The following MLPH variants were observed in gnomAD, a reference collection of about 807,000 sequenced individuals.
The protein encoded by MLPH is exophilin-3.
MLPH carries 51 observed loss-of-function variants against 72.1 expected under a neutral mutation model. That is an observed-to-expected ratio of 0.71 (90% CI 0.56 to 0.89). The LOEUF is 0.89. MLPH is among the 40% of genes least tolerant of loss of function. The probability of loss-of-function intolerance (pLI) is 0.00; values close to 1 mark genes in which losing one functional copy is unlikely to be tolerated. For missense variants in MLPH, 743 were observed against 759.9 expected (o/e 0.98, Z 0.26); for synonymous variants, 301 against 310.1 (o/e 0.97, Z 0.31).
Position 237,540,950 on chromosome 2 carries a change from A to C in MLPH, c.1439A>C (p.Glu480Ala), listed in dbSNP as rs1034093359. The change falls in exon 11 of 16, where the codon GAG becomes GCG. Residue 480 changes from glutamate to alanine, a missense_variant. Physicochemically the swap from Glu to Ala is moderately radical, Grantham distance 107. Coordinates refer to ENST00000264605, the MANE Select transcript of MLPH (RefSeq NM_024101.7). ...AVTASEVQQA[E>A]SEVSDIESRI... ...ACGGCCTCAGAAGTCCAGCAGGCAG[A>C]GAGCGAGGTAGCCCAGAAGGCACAG... 6.2e-7 allele frequency: 1 copy of C among 1,604,092 alleles called. No homozygotes were observed. The highest frequency in any genetic ancestry group is 8.5e-7 in the Non-Finnish European group (1 of 1,176,124).
intron 2 of MLPH, among the ~76,000 whole-genome samples, chr2:237,501,664 TAAAAAAAAAAAAA>T (rs58268748): frequency 1.6e-5 from 1 of 63,552 alleles, no homozygotes; most frequent in Non-Finnish European, 2.6e-5. Flanking sequence ...ACGTCTCTAC[TAAAAAAAAAAAAA>T]AAAAAAAAAA....
At chr2:237,519,177 G>T (rs1469854584) in intron 5 of MLPH, among the ~76,000 whole-genome samples, 2 of 151,992 alleles carry the variant, frequency 1.3e-5, no homozygotes, top group African/African-American at 2.4e-5. Context: ...GGTAACACCT[G>T]GGTTTTGGGG....
chr2:237,517,489 G>A lies in MLPH; in HGVS notation c.446-1050G>A, dbSNP rs373986571. Among the ~76,000 whole-genome samples, 4 of 151,738 alleles carry A rather than the reference G, an allele frequency of 2.6e-5. No individual in the cohort carries two copies. In the East Asian group the frequency reaches 5.9e-4, roughly 22 times the overall value. On this transcript the variant is annotated intron_variant, in intron 4 of 15. Coordinates refer to ENST00000264605, the MANE Select transcript of MLPH (RefSeq NM_024101.7). The stretch of plus-strand genomic sequence containing the variant: ...TGGATAGATAGATAAGTGGATGGGT[G>A]GATAGATGGATAGATGTCTGAGTGG...
chr2:237,540,377 C>G lies in MLPH; in HGVS notation c.1134C>G (p.Ala378=), dbSNP rs752502935. ...TAGGTGCTGGAGTGCGCACGGAGGC[C>G]GATGTAGAGGAGGAGGCCCTGAGGA... ...KGLGAGVRTE[A]DVEEEALRRK... The change falls in exon 10 of 16, where the codon GCC becomes GCG. Residue 378 remains alanine (A), a synonymous_variant. Transcript: ENST00000264605. 4 of 1,613,568 alleles carry G rather than the reference C, an allele frequency of 2.5e-6. No individual in the cohort carries two copies. In the Admixed American group the frequency reaches 6.7e-5, roughly 27 times the overall value.
Position 237,553,809 on chromosome 2 carries a change from A to G in MLPH, c.*217A>G. The G allele has an allele frequency of 1.4e-6, 1 of 725,050 alleles. No homozygotes were observed. The highest frequency in any genetic ancestry group is 1.5e-5 in the South Asian group (1 of 68,636). 44.9% of individuals were successfully genotyped at this position (725,050 alleles called of 1,614,324 possible). ...TTTACTGATGACTCCTGGCTGCCCC[A>G]CCATCCTCTCTGATCTGTGAGAAAC... is the stretch of plus-strand genomic sequence containing the variant. On this transcript the variant is annotated 3_prime_UTR_variant, in exon 16 of 16. Coordinates refer to ENST00000264605, the MANE Select transcript of MLPH (RefSeq NM_024101.7).
chr2:237,551,749 G>A (rs934381607), intron 14 of MLPH, among the ~76,000 whole-genome samples: 3 of 151,928 alleles, frequency 2.0e-5, no homozygotes, highest in African/African-American at 7.3e-5. Flanking sequence ...AGGCCAAGGC[G>A]GGCGGATCAC....
At chr2:237,552,763 A>T (rs970351162) in intron 15 of MLPH, among the ~76,000 whole-genome samples, 2 of 152,066 alleles carry the variant, frequency 1.3e-5, no homozygotes, top group Non-Finnish European at 1.5e-5. Flanking sequence ...TAAGTAAAAA[A>T]CCCCAAGAGA....
At chr2:237,508,882 A>G (rs1378966277) in intron 2 of MLPH, among the ~76,000 whole-genome samples, 4 of 152,192 alleles carry the variant, frequency 2.6e-5, no homozygotes, top group Admixed American at 1.3e-4. Context: ...CAGCACACCA[A>G]GCTGACTTGT....
intron 7 of MLPH, among the ~76,000 whole-genome samples, chr2:237,527,129 T>G (rs1224525279): frequency 6.6e-6 from 1 of 152,190 alleles, no homozygotes; most frequent in African/African-American, 2.4e-5. Context: ...TTTGCAAACA[T>G]GCAAAGTATG....
At chr2:237,533,220 A>G (rs13404500) in intron 8 of MLPH, among the ~76,000 whole-genome samples, 6,545 of 152,198 alleles carry the variant, frequency 0.043, 234 homozygotes, top group African/African-American at 0.092. Flanking sequence ...TGGGAGCTAG[A>G]GTTATCTTCA....
chr2:237,502,462 G>A (rs148806960), intron 2 of MLPH, among the ~76,000 whole-genome samples: 1,677 of 152,230 alleles, frequency 0.011, 19 homozygotes, highest in Non-Finnish European at 0.019. Flanking sequence ...TTTGTGTCTT[G>A]CTTTGTATCA....
chr2:237,531,538 A>G (rs1204557048), intron 8 of MLPH, among the ~76,000 whole-genome samples: 1 of 152,242 alleles, frequency 6.6e-6, no homozygotes, highest in African/African-American at 2.4e-5. Flanking sequence ...AGTAAAATAC[A>G]TAGCGTGGTT....
intron 13 of MLPH, 132 bp from the exon 14 acceptor site, chr2:237,549,089 A>G: frequency 2.6e-6 from 2 of 764,982 alleles, no homozygotes; most frequent in South Asian, 1.5e-5. Flanking sequence ...AAAAGTTCAA[A>G]TATTGCTAGA....
chr2:237,516,132 C>T (rs1483692993), intron 4 of MLPH, among the ~76,000 whole-genome samples: 1 of 152,240 alleles, frequency 6.6e-6, no homozygotes, highest in Non-Finnish European at 1.5e-5. Context: ...CAAGGGTGTC[C>T]AGGGGCAGCA....
intron 1 of MLPH, among the ~76,000 whole-genome samples, chr2:237,488,242 G>C (rs751328703): frequency 1.3e-5 from 2 of 152,144 alleles, no homozygotes; most frequent in African/African-American, 2.4e-5. Flanking sequence ...GGAGAGCAAG[G>C]CTCCCAATAG....
chr2:237,536,816 G>A (rs77086090), intron 9 of MLPH, among the ~76,000 whole-genome samples: 1,784 of 152,280 alleles, frequency 0.012, 43 homozygotes, highest in East Asian at 0.085. Flanking sequence ...TAGCCTGCCC[G>A]GCCCTGGCTC....
In MLPH at chr2:237,541,300, C is replaced by T. The variant is rs1157833447; in HGVS notation, c.1446+343C>T. Among the ~76,000 whole-genome samples the T allele has an allele frequency of 6.6e-6, 1 of 152,208 alleles. No individual in the cohort carries two copies. The highest frequency in any genetic ancestry group is 1.5e-5 in the Non-Finnish European group (1 of 68,034). On this transcript the variant is annotated intron_variant, in intron 11 of 15. Transcript: ENST00000264605. The surrounding 1 kb of genome is among the most constrained non-coding windows in gnomAD (Gnocchi z 5.1). ...AATTTAGGACAGCCCCAGACCTCAG[C>T]ACTGGACTCTGTCCGGAGGGCCATC... is the stretch of plus-strand genomic sequence containing the variant.
intron 1 of MLPH, among the ~76,000 whole-genome samples, chr2:237,492,756 C>T (rs893346941): frequency 3.9e-5 from 6 of 152,214 alleles, no homozygotes; most frequent in African/African-American, 1.4e-4. Flanking sequence ...TATGACCTCC[C>T]CCTGGAACCA....
At chr2:237,500,369 A>G (rs1475606372) in intron 2 of MLPH, among the ~76,000 whole-genome samples, 1 of 152,184 alleles carries the variant, frequency 6.6e-6, no homozygotes, top group African/African-American at 2.4e-5. Context: ...TGCATGACCC[A>G]TGTGGCAGCC....
Sources: gnomAD v4.1 joint callset for allele counts (sites outside exome capture counted in the v4.1 genomes callset) on GRCh38, gnomAD v4.1.1 for gene constraint, Gnocchi (gnomAD v3.1) non-coding constraint, MANE v1.5 for transcripts, NCBI Gene and HGNC (gene_info 2026-07-23, HGNC 2026-07-21) for gene names.